ANKS1B: variants seen among roughly 807,000 people sequenced by gnomAD.
The protein encoded by ANKS1B is ankyrin repeat and sterile alpha motif domain-containing protein 1B.
A neutral mutation model predicts 148.3 loss-of-function variants in ANKS1B; 36 were observed. The observed-to-expected ratio is 0.24, with a 90% CI of 0.19 to 0.32. ANKS1B has a LOEUF of 0.32. ANKS1B is among the 10% of genes least tolerant of loss of function. The pLI, the probability that ANKS1B is intolerant of heterozygous loss-of-function variation, is 1.00. For missense variants in ANKS1B, 1,157 were observed against 1,542.6 expected (o/e 0.75, Z 4.19); for synonymous variants, 542 against 560.8 (o/e 0.97, Z 0.47).
intron 15 of ANKS1B, among the ~76,000 whole-genome samples, chr12:99,135,416 A>G (rs1029570513): frequency 6.6e-6 from 1 of 152,236 alleles, no homozygotes; most frequent in Non-Finnish European, 1.5e-5. Context: ...AGTGCCTACC[A>G]AGTGTGGAAC....
intron 16 of ANKS1B, among the ~76,000 whole-genome samples, chr12:99,068,100 T>C (rs1426541622): frequency 6.6e-6 from 1 of 152,106 alleles, no homozygotes; most frequent in Non-Finnish European, 1.5e-5. Flanking sequence ...AGATATTGTA[T>C]ATCTAGGACA....
intron 17 of ANKS1B, among the ~76,000 whole-genome samples, chr12:98,989,166 T>A (rs1325210000): frequency 6.6e-6 from 1 of 152,156 alleles, no homozygotes; most frequent in Non-Finnish European, 1.5e-5. Flanking sequence ...TTGGTTCATG[T>A]TAAAAAAAAT....
chr12:99,065,594 C>T (rs977911216), intron 16 of ANKS1B, among the ~76,000 whole-genome samples: 9 of 43,600 alleles, frequency 2.1e-4, no homozygotes, highest in Middle Eastern at 0.012. Flanking sequence ...TTCCATTCAT[C>T]CATCCATCCA....
chr12:99,811,141 T>A (rs2068305029), intron 3 of ANKS1B, among the ~76,000 whole-genome samples: 1 of 151,986 alleles, frequency 6.6e-6, no homozygotes, highest in South Asian at 2.1e-4. Flanking sequence ...TTTCAACAAC[T>A]GCATATATAT....
intron 17 of ANKS1B, among the ~76,000 whole-genome samples, chr12:98,913,602 T>C (rs971127383): frequency 2.0e-5 from 3 of 152,160 alleles, no homozygotes; most frequent in African/African-American, 4.8e-5. Context: ...TTAATATGTC[T>C]AAAAACAAAC....
intron 17 of ANKS1B, among the ~76,000 whole-genome samples, chr12:98,971,239 A>C (rs186513540): frequency 1.2e-3 from 176 of 152,346 alleles, no homozygotes; most frequent in African/African-American, 4.0e-3. Context: ...TCTGGCTCTA[A>C]AGCCCAGGCT....
chr12:99,153,329 G>A (rs2075419070), intron 15 of ANKS1B, among the ~76,000 whole-genome samples: 1 of 152,022 alleles, frequency 6.6e-6, no homozygotes, highest in African/African-American at 2.4e-5. Flanking sequence ...ATTTAGGCAG[G>A]GCTATTACTT....
chr12:99,386,268 A>G (rs1475483505), intron 12 of ANKS1B: 1 of 152,166 alleles, frequency 6.6e-6, no homozygotes, highest in Non-Finnish European at 1.5e-5. Context: ...TCACCTACAC[A>G]TGTAAGTGAG....
At chr12:99,918,157 G>C (rs923270761) in intron 1 of ANKS1B, among the ~76,000 whole-genome samples, 1 of 152,212 alleles carries the variant, frequency 6.6e-6, no homozygotes, top group East Asian at 1.9e-4. Context: ...TGGAACTGCT[G>C]CTCTACAGCG....
intron 9 of ANKS1B, among the ~76,000 whole-genome samples, chr12:99,620,089 G>C (rs909536676): frequency 6.6e-6 from 1 of 152,108 alleles, no homozygotes; most frequent in African/African-American, 2.4e-5. Context: ...GAACTGCACA[G>C]CCCAATATAA....
intron 17 of ANKS1B, chr12:99,049,028 C>T (rs2099964247): frequency 6.6e-6 from 1 of 152,204 alleles, no homozygotes; most frequent in South Asian, 2.1e-4. Context: ...CACTTGAATA[C>T]TCACATCCAG....
intron 8 of ANKS1B, among the ~76,000 whole-genome samples, chr12:99,708,087 T>A (rs933541036): frequency 2.0e-5 from 3 of 152,158 alleles, no homozygotes; most frequent in Admixed American, 6.6e-5. Flanking sequence ...TCAGACAAGC[T>A]GCCTCCATCA....
intron 8 of ANKS1B, among the ~76,000 whole-genome samples, chr12:99,709,065 C>T (rs1344684436): frequency 6.6e-6 from 1 of 152,040 alleles, no homozygotes; most frequent in African/African-American, 2.4e-5. Flanking sequence ...TCTTGGTAAA[C>T]ATAATGTAAA....
At chr12:99,004,782 A>AT (rs11306881) in intron 17 of ANKS1B, among the ~76,000 whole-genome samples, 397 of 147,066 alleles carry the variant, frequency 2.7e-3, no homozygotes, top group African/African-American at 5.5e-3. Context: ...CTAAATAAAC[A>AT]TTTTTTTTTT....
chr12:99,210,755 A>G (rs1358935542), intron 14 of ANKS1B, among the ~76,000 whole-genome samples: 3 of 152,164 alleles, frequency 2.0e-5, no homozygotes, highest in Non-Finnish European at 2.9e-5. Flanking sequence ...GTTCTATTCA[A>G]TTTTAGTTGG....
intron 1 of ANKS1B, among the ~76,000 whole-genome samples, chr12:99,927,311 A>G (rs2094499505): frequency 6.6e-6 from 1 of 152,232 alleles, no homozygotes; most frequent in Non-Finnish European, 1.5e-5. Flanking sequence ...AGTCACAACT[A>G]GAGAAGACAC....
chr12:99,051,841 C>A (rs994439205), intron 17 of ANKS1B, among the ~76,000 whole-genome samples: 1 of 152,150 alleles, frequency 6.6e-6, no homozygotes, highest in African/African-American at 2.4e-5. Flanking sequence ...TTCAGAAAGA[C>A]TTTTAAAAGC....
chr12:99,360,461 C>T (rs2092378253), intron 12 of ANKS1B, among the ~76,000 whole-genome samples: 2 of 152,058 alleles, frequency 1.3e-5, no homozygotes, highest in Admixed American at 1.3e-4. Flanking sequence ...CACAACTATT[C>T]ATCCCCTCCC....
intron 17 of ANKS1B, among the ~76,000 whole-genome samples, chr12:98,847,565 C>T (rs1292491896): frequency 6.6e-6 from 1 of 150,922 alleles, no homozygotes; most frequent in Non-Finnish European, 1.5e-5. Context: ...CTGCAATGAA[C>T]ACGGGAGTGC....
Sources: gnomAD v4.1 joint callset for allele counts (sites outside exome capture counted in the v4.1 genomes callset) on GRCh38, gnomAD v4.1.1 for gene constraint, MANE v1.5 for transcripts, NCBI Gene and HGNC (gene_info 2026-07-23, HGNC 2026-07-21) for gene names.